Variants in PRKDC observed in about 807,000 individuals in gnomAD.
PRKDC encodes the protein DNA-dependent protein kinase catalytic subunit.
PRKDC carries 82 observed loss-of-function variants against 486.9 expected under a neutral mutation model. The ratio of observed to expected loss-of-function variants is 0.17; its 90% CI spans 0.14 to 0.20. The LOEUF is 0.20. Among genes scored for constraint, PRKDC ranks in the 10% least tolerant of loss-of-function variants. The probability of loss-of-function intolerance (pLI) is 1.00; values close to 1 mark genes in which losing one functional copy is unlikely to be tolerated. For synonymous variants in PRKDC, 1,895 were observed against 1,837.0 expected (o/e 1.03, Z -0.81); for missense variants, 4,504 against 5,038.2 (o/e 0.89, Z 3.21).
chr8:47,893,196 A>C lies in PRKDC; in HGVS notation c.3790T>G (p.Leu1264Val). The C allele has an allele frequency of 6.2e-7, 1 of 1,613,254 alleles. No individual in the cohort carries two copies. The highest frequency in any genetic ancestry group is 1.6e-4 in the Middle Eastern group (1 of 6,062). ...CCAATGAACGTGTTGTAGCACTCCA[A>C]CGCGGCCAGGAGCAGGTCCAGCCAG... ...LCWLDLLLAA[L>V]ECYNTFIGER... Residue 1264 changes from leucine (L) to valine (V), a missense_variant, in exon 31 of 86, where the codon TTG (leucine) becomes GTG (valine). Physicochemically the swap from Leu to Val is conservative, Grantham distance 32 (BLOSUM62 1). Transcript: ENST00000314191.
At chr8:47,827,430 TTGAA>T (rs749092102) in intron 62 of PRKDC, among the ~76,000 whole-genome samples, 25 of 152,186 alleles carry the variant, frequency 1.6e-4, no homozygotes, top group Non-Finnish European at 2.5e-4. Context: ...AATCCATACT[TTGAA>T]TGGCACAGAA....
chr8:47,842,345 T>C lies in PRKDC; in HGVS notation c.7281-2156A>G, dbSNP rs555458240. 4.6e-5 allele frequency among the ~76,000 whole-genome samples: 7 copies of C among 152,224 alleles called. No individual in the cohort carries two copies. In the South Asian group the frequency reaches 8.3e-4, roughly 18 times the overall value. ...TGCTAGCCCTTATCCTTAAGCACCA[T>C]ATACTGGATCATAGTCTGAATTATA... On this transcript the variant is annotated intron_variant, in intron 54 of 85. Transcript: ENST00000314191.
intron 11 of PRKDC, among the ~76,000 whole-genome samples, chr8:47,938,102 G>C (rs1169287150): frequency 6.6e-6 from 1 of 151,994 alleles, no homozygotes; most frequent in Admixed American, 6.6e-5. Context: ...AGGCAAAAAA[G>C]AAAAAGAAAG....
In PRKDC at chr8:47,847,076, T is replaced by G. The variant is rs148875043; in HGVS notation, c.7280+2078A>C. 2.8e-3 allele frequency among the ~76,000 whole-genome samples: 422 copies of G among 152,314 alleles called. 1 individual carries two copies. The highest frequency in any genetic ancestry group is 4.9e-3 in the Non-Finnish European group (330 of 68,022). ...AGAATAGCCATTCTGCCCAAAGCAA[T>G]CTACAGATTCAATGCTATTCCTATC... On this transcript the variant is annotated intron_variant, in intron 54 of 85. Transcript: ENST00000314191.
chr8:47,903,583 T>C (rs986040832), intron 26 of PRKDC, among the ~76,000 whole-genome samples: 1 of 152,164 alleles, frequency 6.6e-6, no homozygotes, highest in African/African-American at 2.4e-5. Context: ...CGCCAAGTGG[T>C]GATGCAGGGA....
chr8:47,875,798 T>G (rs1320113159), intron 40 of PRKDC, among the ~76,000 whole-genome samples: 1 of 152,244 alleles, frequency 6.6e-6, no homozygotes, highest in Non-Finnish European at 1.5e-5. Context: ...TTTTAAAATT[T>G]ATCAAGACTT....
chr8:47,831,824 T>A lies in PRKDC; in HGVS notation c.8255A>T (p.Lys2752Ile), dbSNP rs1406581738. The stretch of plus-strand genomic sequence containing the variant: ...TGACAAGATACAAACCTTCTCTCGT[T>A]TTTGCTCAGCAACGCCTTTTCTGGC... ...MYARKGVAEQ[K>I]REKEIKSELK... Residue 2752 changes from lysine (K) to isoleucine (I), a missense_variant, in exon 60 of 86, where the codon AAA becomes ATA. Around this residue, in one of 6 missense-constraint regions of PRKDC, gnomAD observed 1,592 missense variants for 1,724.6 expected, o/e 0.92. Transcript: ENST00000314191. The A allele has an allele frequency of 1.2e-6, 2 of 1,613,934 alleles. No homozygotes were observed. Among genetic ancestry groups the A allele is most frequent in the Admixed American group, 1.7e-5 (1 of 60,030 alleles).
intron 66 of PRKDC, among the ~76,000 whole-genome samples, chr8:47,819,803 A>G (rs1327481979): frequency 6.6e-6 from 1 of 152,210 alleles, no homozygotes; most frequent in African/African-American, 2.4e-5. Flanking sequence ...CTAACATCCT[A>G]TAATGTAAAA....
chr8:47,823,864 A>G lies in PRKDC; in HGVS notation c.8916T>C (p.Tyr2972=). ...TGCCAGAGATCAATTTTACCTCATC[A>G]TACTGCTTAGCAGCTTCAGAATAAT... is the stretch of plus-strand genomic sequence containing the variant. ...RSDYSEAAKQ[Y]DEALNKQDWV... is the part of the protein sequence containing the mutation. The change falls in exon 64 of 86, where the codon TAT becomes TAC. Residue 2972 remains tyrosine (Y), a synonymous_variant. Transcript: ENST00000314191. The G allele has an allele frequency of 1.9e-6, 3 of 1,613,672 alleles. No homozygotes were observed. The highest frequency in any genetic ancestry group is 2.5e-6 in the Non-Finnish European group (3 of 1,179,740).
chr8:47,856,169 T>C (rs2088536020), intron 49 of PRKDC, among the ~76,000 whole-genome samples: 2 of 152,078 alleles, frequency 1.3e-5, no homozygotes, highest in African/African-American at 4.8e-5. Context: ...ACAAATGAGA[T>C]AGGTACATCC....
At chr8:47,861,076 C>T in intron 44 of PRKDC, 105 bp from the exon 45 acceptor site, 2 of 779,922 alleles carry the variant, frequency 2.6e-6, no homozygotes, top group Non-Finnish European at 3.9e-6. Flanking sequence ...AATTTTTAAA[C>T]AAAACAAAAC....
At chr8:47,881,558 A>C (rs1195280428) in intron 37 of PRKDC, 38 bp from the exon 38 acceptor site, 2 of 1,039,344 alleles carry the variant, frequency 1.9e-6, no homozygotes. Flanking sequence ...ACATTTGTAT[A>C]TTACATCTCT....
rs2154497521 is a variant in PRKDC at position 47,782,615 on chromosome 8, G to A, written c.11176-17C>T. On this transcript the variant is annotated splice_polypyrimidine_tract_variant and intron_variant, in intron 78 of 85. Transcript: ENST00000314191. This position sits in a 1 kb window ranked among gnomAD's most constrained non-coding sequence, Gnocchi z 4.9. ...GACTGTCACCTTCAAAAATCAGAAT[G>A]TCATCTCAGGGCACAGGCTAGCCAC... 6.4e-7 allele frequency: 1 copy of A among 1,550,598 alleles called. No homozygotes were observed. Among genetic ancestry groups the A allele is most frequent in the South Asian group, 1.2e-5 (1 of 84,120 alleles).
chr8:47,925,201 T>A (rs543803166), intron 21 of PRKDC, among the ~76,000 whole-genome samples: 4 of 152,258 alleles, frequency 2.6e-5, no homozygotes, highest in Admixed American at 2.6e-4. Context: ...ATGCCTCAAA[T>A]TACTAACTCA....
intron 4 of PRKDC, 124 bp from the exon 5 acceptor site, chr8:47,954,570 C>G (rs1388341773): frequency 2.6e-6 from 1 of 388,552 alleles, no homozygotes; most frequent in African/African-American, 2.1e-5. Flanking sequence ...CATCTGTCCA[C>G]AGCAAAGGTT....
chr8:47,899,058 G>A (rs1356424220), intron 28 of PRKDC, among the ~76,000 whole-genome samples: 2 of 152,242 alleles, frequency 1.3e-5, no homozygotes, highest in Non-Finnish European at 2.9e-5. Flanking sequence ...CTCTGGAGAA[G>A]TACAACAGAG....
At position 47,836,391 on chromosome 8, in the gene PRKDC, C is replaced by A. The variant is rs755270988; in HGVS notation, c.7898G>T (p.Gly2633Val). 3.1e-6 allele frequency: 5 copies of A among 1,610,790 alleles called. No individual in the cohort carries two copies. Among genetic ancestry groups the A allele is most frequent in the Non-Finnish European group, 3.4e-6 (4 of 1,178,172 alleles). ...CTGCTGCTGGGTGGCCCTTATCTGC[C>A]CTGCCACTGGCCAGCGAGCTGAGAG... ...GSLSARWPVA[G>V]QIRATQQQHD... The change falls in exon 58 of 86, where the codon GGG (glycine) becomes GTG (valine). Residue 2633 changes from glycine to valine, a missense_variant. Coordinates refer to ENST00000314191, the MANE Select transcript of PRKDC (RefSeq NM_006904.7).
intron 63 of PRKDC, among the ~76,000 whole-genome samples, chr8:47,825,369 C>T (rs1200747608): frequency 6.6e-6 from 1 of 151,760 alleles, no homozygotes; most frequent in Admixed American, 6.6e-5. Flanking sequence ...ATTAGCTGGG[C>T]GTGGTGGCAG....
rs563302100 is a variant in PRKDC at position 47,776,788 on chromosome 8, G to A, written c.12182+56C>T. 4.6e-4 allele frequency: 736 copies of A among 1,596,900 alleles called. 7 individuals carry two copies. The highest frequency in any genetic ancestry group is 3.3e-4 in the Middle Eastern group (2 of 6,022). ...CACTTTGTATATATGTTGGCTCCTC[G>A]AGAAACAGTAGCATGTCGGTAGTCC... On this transcript the variant is annotated intron_variant, in intron 85 of 85. Transcript: ENST00000314191.
Sources: gnomAD v4.1 joint callset for allele counts (sites outside exome capture counted in the v4.1 genomes callset) on GRCh38, gnomAD v4.1.1 for gene constraint, gnomAD v4.1.1 regional missense constraint, Gnocchi (gnomAD v3.1) non-coding constraint, MANE v1.5 for transcripts, NCBI Gene and HGNC (gene_info 2026-07-23, HGNC 2026-07-21) for gene names.